The following PCDH11X variants were observed in gnomAD, a reference collection of about 807,000 sequenced individuals.
The protein encoded by PCDH11X is protocadherin 11 X-linked.
In PCDH11X, 18 loss-of-function variants were observed where a neutral mutation model predicts 53.3. The observed-to-expected ratio is 0.34, with a 90% CI of 0.23 to 0.50. The LOEUF (loss-of-function observed/expected upper bound fraction) is 0.50. Among genes scored for constraint, PCDH11X ranks in the 20% least tolerant of loss-of-function variants. The probability of loss-of-function intolerance (pLI) is 0.98; values close to 1 mark genes in which losing one functional copy is unlikely to be tolerated. For synonymous variants in PCDH11X, 279 were observed against 393.3 expected (o/e 0.71, Z 3.44); for missense variants, 570 against 1,032.4 (o/e 0.55, Z 6.14).
chrX:92,072,741 G>A (rs2063722134), intron 6 of PCDH11X, among the ~76,000 whole-genome samples: 1 of 110,984 alleles, frequency 9.0e-6, no homozygotes, highest in Non-Finnish European at 1.9e-5. Flanking sequence ...ATTGTTTTGA[G>A]CCGCACTGCC....
intron 6 of PCDH11X, among the ~76,000 whole-genome samples, chrX:91,896,406 G>T (rs1458848327): frequency 1.8e-5 from 2 of 110,399 alleles, no homozygotes; most frequent in Non-Finnish European, 3.8e-5. Flanking sequence ...TGCTGGGAGT[G>T]AGCCACCGCA....
chrX:92,348,817 G>A (rs1046579621), intron 8 of PCDH11X, among the ~76,000 whole-genome samples: 6 of 107,328 alleles, frequency 5.6e-5, no homozygotes, highest in Non-Finnish European at 7.7e-5. Context: ...ATTTACAGGC[G>A]TGAGCCAACA....
intron 8 of PCDH11X, among the ~76,000 whole-genome samples, chrX:92,274,675 A>G (rs2068041965): frequency 9.0e-6 from 1 of 110,593 alleles, no homozygotes; most frequent in African/African-American, 3.3e-5. Flanking sequence ...AGAATAGCAG[A>G]TGGAACACTG....
intron 8 of PCDH11X, among the ~76,000 whole-genome samples, chrX:92,385,799 A>G (rs2070999622): frequency 9.0e-6 from 1 of 111,329 alleles, no homozygotes; most frequent in Non-Finnish European, 1.9e-5. Flanking sequence ...TCCAACCTAG[A>G]TGACAGAATG....
chrX:92,264,605 C>A (rs1435688741), intron 8 of PCDH11X, among the ~76,000 whole-genome samples: 1 of 111,440 alleles, frequency 9.0e-6, no homozygotes, highest in East Asian at 2.8e-4. Flanking sequence ...ACATTCTTAA[C>A]CATTCTGGTG....
At chrX:92,035,396 A>AT (rs1372519552) in intron 6 of PCDH11X, among the ~76,000 whole-genome samples, 1 of 110,429 alleles carries the variant, frequency 9.1e-6, no homozygotes, top group Non-Finnish European at 1.9e-5. Flanking sequence ...CTCCAAGGAT[A>AT]TTTTTGCCAA....
intron 7 of PCDH11X, among the ~76,000 whole-genome samples, chrX:92,222,648 T>A (rs1234625819): frequency 8.9e-6 from 1 of 112,226 alleles, no homozygotes; most frequent in Non-Finnish European, 1.9e-5. Flanking sequence ...TCTGCAATGA[T>A]CTTTGGTCAG....
At chrX:92,198,500 A>G (rs1227867848) in intron 6 of PCDH11X, among the ~76,000 whole-genome samples, 2 of 108,900 alleles carry the variant, frequency 1.8e-5, no homozygotes, top group Admixed American at 1.0e-4. Flanking sequence ...AGTCAAGTTA[A>G]GGAAAGCAGT....
At chrX:91,882,929 T>C in intron 6 of PCDH11X, 1 of 1,186,050 alleles carries the variant, frequency 8.4e-7, no homozygotes, top group Non-Finnish European at 1.1e-6. Context: ...ACATCAACTA[T>C]TGAAATCTGC....
chrX:92,254,473 T>A (rs2012790914), intron 7 of PCDH11X, among the ~76,000 whole-genome samples: 2 of 109,213 alleles, frequency 1.8e-5, no homozygotes, highest in South Asian at 8.4e-4. Flanking sequence ...GTGAATTTGA[T>A]CCTGTCATTA....
At chrX:92,090,365 G>A (rs1174816523) in intron 6 of PCDH11X, among the ~76,000 whole-genome samples, 1 of 109,904 alleles carries the variant, frequency 9.1e-6, no homozygotes, top group African/African-American at 3.3e-5. Flanking sequence ...GAAATCTCTT[G>A]TAAAAGTGGG....
At chrX:92,330,015 G>A (rs2069425620) in intron 8 of PCDH11X, among the ~76,000 whole-genome samples, 1 of 110,477 alleles carries the variant, frequency 9.1e-6, no homozygotes, top group Admixed American at 9.7e-5. Context: ...AAGGATAAAC[G>A]CTTGAGGTGA....
intron 4 of PCDH11X, among the ~76,000 whole-genome samples, chrX:91,821,276 T>C (rs1449471022): frequency 9.1e-6 from 1 of 110,028 alleles, no homozygotes; most frequent in East Asian, 2.8e-4. Context: ...TATGGCCATT[T>C]TCACGATATT....
rs776875854 is a variant in PCDH11X, at chrX:91,989,193, C to T, written c.3033+109920C>T. Among the ~76,000 whole-genome samples, 4 of 109,730 alleles carry T rather than the reference C, an allele frequency of 3.6e-5. No homozygotes were observed. In the East Asian group the frequency reaches 1.2e-3, roughly 32 times the overall value. ...ATCCTTCCTGATTCAATGTTGCTTA[C>T]ACTTCTTAAATAAAAAAAGCTACTG... On this transcript the variant is annotated intron_variant, in intron 6 of 10. Coordinates refer to ENST00000682573, the MANE Select transcript of PCDH11X (RefSeq NM_032968.5).
At chrX:92,548,251 G>T (rs979659085) in intron 10 of PCDH11X, among the ~76,000 whole-genome samples, 3 of 109,972 alleles carry the variant, frequency 2.7e-5, no homozygotes, top group South Asian at 3.9e-4. Context: ...CTCACTGCTC[G>T]CTTGACCTCC....
chrX:91,876,238 TA>T (rs1939610019), intron 5 of PCDH11X, among the ~76,000 whole-genome samples: 1 of 110,298 alleles, frequency 9.1e-6, no homozygotes, highest in African/African-American at 3.3e-5. Context: ...TGGCGAGGGA[TA>T]AAAAACTACA....
chrX:92,156,461 A>C (rs765474469), intron 6 of PCDH11X, among the ~76,000 whole-genome samples: 60 of 111,834 alleles, frequency 5.4e-4, no homozygotes, highest in Non-Finnish European at 8.6e-4. Context: ...ATACTCCCAC[A>C]CACATCAAAT....
intron 10 of PCDH11X, among the ~76,000 whole-genome samples, chrX:92,575,978 G>GTGTA (rs1243847954): frequency 5.4e-5 from 1 of 18,454 alleles, no homozygotes; most frequent in African/African-American, 3.3e-4. Context: ...CACCTGGGGT[G>GTGTA]TATATATATA....
chrX:91,812,198 C>T (rs1453706455), intron 4 of PCDH11X, among the ~76,000 whole-genome samples: 1 of 110,386 alleles, frequency 9.1e-6, no homozygotes, highest in Non-Finnish European at 1.9e-5. Context: ...GTCCATGTGG[C>T]AGAAGATACT....
Sources: gnomAD v4.1 joint callset for allele counts (sites outside exome capture counted in the v4.1 genomes callset) on GRCh38, gnomAD v4.1.1 for gene constraint, MANE v1.5 for transcripts, NCBI Gene and HGNC (gene_info 2026-07-23, HGNC 2026-07-21) for gene names.